TMEM266: variants seen among roughly 807,000 people sequenced by gnomAD.
The protein encoded by TMEM266 is transmembrane protein 266, also known as Hv1 related protein 1.
Under a neutral mutation model 50.5 loss-of-function variants are expected in TMEM266, and 33 were observed. That is an observed-to-expected ratio of 0.65 (90% confidence interval 0.50 to 0.87). The LOEUF is 0.87. Among genes scored for constraint, TMEM266 ranks in the 40% least tolerant of loss-of-function variants. The probability of loss-of-function intolerance (pLI) is 0.00; values close to 1 mark genes in which losing one functional copy is unlikely to be tolerated. For synonymous variants in TMEM266, 310 were observed against 292.3 expected, an observed-to-expected ratio of 1.06 and a Z score of -0.62; for missense variants, 655 against 695.1, an observed-to-expected ratio of 0.94 and a Z score of 0.65.
chr15:76,079,645 A>C (rs954974555), intron 1 of TMEM266, among the ~76,000 whole-genome samples: 2 of 150,284 alleles, frequency 1.3e-5, no homozygotes, highest in Non-Finnish European at 3.0e-5. Flanking sequence ...AAAATTAGCC[A>C]GGCTTGGTGG....
chr15:76,112,841 A>G (rs2037192382), intron 1 of TMEM266: 1 of 152,204 alleles, frequency 6.6e-6, no homozygotes, highest in African/African-American at 2.4e-5. Flanking sequence ...GTATGTGAGC[A>G]TAAACCACTA....
intron 1 of TMEM266, among the ~76,000 whole-genome samples, chr15:76,062,161 T>C (rs2036316465): frequency 6.6e-6 from 1 of 152,242 alleles, no homozygotes; most frequent in Non-Finnish European, 1.5e-5. Context: ...GCTTTTCTAC[T>C]CAGGTCACAT....
chr15:76,090,905 A>G (rs2036839531), intron 1 of TMEM266, among the ~76,000 whole-genome samples: 1 of 152,192 alleles, frequency 6.6e-6, no homozygotes, highest in East Asian at 1.9e-4. Context: ...CAAAAGCTAT[A>G]AGACAGTATT....
intron 8 of TMEM266, among the ~76,000 whole-genome samples, chr15:76,188,637 A>T (rs1040611213): frequency 1.3e-5 from 2 of 152,122 alleles, no homozygotes; most frequent in Admixed American, 1.3e-4. Flanking sequence ...AAACCATCAG[A>T]TCTTGTGAGA....
intron 1 of TMEM266, among the ~76,000 whole-genome samples, chr15:76,127,555 A>G (rs548296190): frequency 7.9e-5 from 12 of 152,232 alleles, no homozygotes; most frequent in African/African-American, 2.6e-4. Flanking sequence ...CTTACTCCTG[A>G]TATCAAGTGA....
intron 3 of TMEM266, among the ~76,000 whole-genome samples, chr15:76,151,586 A>G (rs2037843710): frequency 6.6e-6 from 1 of 151,868 alleles, no homozygotes; most frequent in African/African-American, 2.4e-5. Flanking sequence ...CACCCCACAC[A>G]CATAGCCTGC....
intron 1 of TMEM266, among the ~76,000 whole-genome samples, chr15:76,130,004 G>GC (rs1204199891): frequency 1.3e-5 from 2 of 150,372 alleles, no homozygotes; most frequent in Non-Finnish European, 3.0e-5. Flanking sequence ...CGGGAAGATT[G>GC]CTTGAGCCTA....
intron 1 of TMEM266, among the ~76,000 whole-genome samples, chr15:76,105,479 A>G (rs1396483313): frequency 6.6e-6 from 1 of 152,222 alleles, no homozygotes; most frequent in Non-Finnish European, 1.5e-5. Flanking sequence ...CAGGGATCAG[A>G]AAAATTCTTC....
chr15:76,175,752 A>T, intron 8 of TMEM266, 78 bp downstream of exon 8: 1 of 1,188,042 alleles, frequency 8.4e-7, no homozygotes, highest in African/African-American at 1.5e-5. Context: ...GGGTTGCTAG[A>T]GCTGCAGGGG....
chr15:76,103,844 G>A (rs1405041358), intron 1 of TMEM266, among the ~76,000 whole-genome samples: 2 of 148,860 alleles, frequency 1.3e-5, no homozygotes. Flanking sequence ...TCTGGGAGGT[G>A]GAGGTTGCAG....
At chr15:76,167,246 G>C (rs551880843) in intron 5 of TMEM266, among the ~76,000 whole-genome samples, 1 of 152,042 alleles carries the variant, frequency 6.6e-6, no homozygotes, top group African/African-American at 2.4e-5. Context: ...CGAGGCTGGC[G>C]GATCATGAGG....
At chr15:76,105,562 A>G (rs2955751) in intron 1 of TMEM266, among the ~76,000 whole-genome samples, 8,284 of 152,340 alleles carry the variant, frequency 0.054, 709 homozygotes, top group African/African-American at 0.18. Flanking sequence ...TCAATCTTCC[A>G]TTGTAGTACA....
At chr15:76,098,813 G>C (rs1181203964) in intron 1 of TMEM266, among the ~76,000 whole-genome samples, 1 of 152,182 alleles carries the variant, frequency 6.6e-6, no homozygotes, top group Non-Finnish European at 1.5e-5. Context: ...GGCCACAGCA[G>C]CCTTGCTGAG....
chr15:76,170,739 A>G (rs1283560524), intron 6 of TMEM266, among the ~76,000 whole-genome samples: 1 of 152,192 alleles, frequency 6.6e-6, no homozygotes, highest in Non-Finnish European at 1.5e-5. Flanking sequence ...AAGACAGCCC[A>G]AGGCCATCTG....
chr15:76,154,068 C>T (rs2037885806), intron 3 of TMEM266, among the ~76,000 whole-genome samples: 1 of 152,180 alleles, frequency 6.6e-6, no homozygotes, highest in Non-Finnish European at 1.5e-5. Context: ...CATGCATTCT[C>T]TGATCAAATC....
chr15:76,088,767 A>G (rs1018856211), intron 1 of TMEM266, among the ~76,000 whole-genome samples: 21 of 151,396 alleles, frequency 1.4e-4, no homozygotes, highest in South Asian at 6.3e-4. Flanking sequence ...ACTGCACTCC[A>G]GCCTGGGCTA....
At chr15:76,079,225 C>T (rs886552187) in intron 1 of TMEM266, among the ~76,000 whole-genome samples, 6 of 150,896 alleles carry the variant, frequency 4.0e-5, no homozygotes, top group Admixed American at 4.0e-4. Context: ...TGGTGGCACA[C>T]GCCTGTAGTC....
chr15:76,119,169 A>C (rs759530207), intron 1 of TMEM266, among the ~76,000 whole-genome samples: 2 of 152,154 alleles, frequency 1.3e-5, no homozygotes, highest in Non-Finnish European at 2.9e-5. Flanking sequence ...ATATACCAGT[A>C]ATTAAAAGCG....
At chr15:76,105,823 T>C (rs1290536785) in intron 1 of TMEM266, among the ~76,000 whole-genome samples, 4 of 152,210 alleles carry the variant, frequency 2.6e-5, no homozygotes, top group Non-Finnish European at 5.9e-5. Flanking sequence ...GAGTAGGTGG[T>C]TAGGCCTGCC....
Sources: allele counts gnomAD v4.1 joint callset (sites outside exome capture counted in the v4.1 genomes callset), GRCh38; gene constraint gnomAD v4.1.1; transcripts MANE v1.5; gene names NCBI Gene and HGNC (gene_info 2026-07-23, HGNC 2026-07-21).